Variants in CHM observed in about 807,000 individuals in gnomAD.
The protein encoded by CHM is CHM Rab escort protein.
CHM carries 10 observed loss-of-function variants against 49.0 expected under a neutral mutation model. The ratio of observed to expected loss-of-function variants is 0.20; its 90% CI spans 0.13 to 0.35. The LOEUF is 0.35. Ranked by LOEUF, CHM falls within the 10% of genes least tolerant of loss-of-function variation. CHM has a pLI of 1.00. For synonymous variants in CHM, 184 were observed against 167.5 expected (o/e 1.10, Z -0.76); for missense variants, 455 against 478.4 (o/e 0.95, Z 0.46).
chrX:85,997,778 C>T (rs1444226508), intron 2 of CHM, among the ~76,000 whole-genome samples: 1 of 110,934 alleles, frequency 9.0e-6, no homozygotes, highest in Non-Finnish European at 1.9e-5. Flanking sequence ...GGTGAAATCC[C>T]GTCTGTACTA....
chrX:85,881,067 T>G lies in CHM; in HGVS notation c.1511-2004A>C, dbSNP rs1924729689. Among the ~76,000 whole-genome samples, 3 of 112,106 alleles carry G rather than the reference T, an allele frequency of 2.7e-5. No homozygotes were observed. The Admixed American group carries it at 2.8e-4, about 11-fold the overall frequency. On this transcript the variant is annotated intron_variant, in intron 12 of 14. Coordinates refer to ENST00000357749, the MANE Select transcript of CHM (RefSeq NM_000390.4). ...AGCTTTAGAGTCGATTTTTCTCCTT[T>G]TTGTTAAATACAACTTTTACTTAGA...
intron 1 of CHM, among the ~76,000 whole-genome samples, chrX:86,044,575 T>G (rs955299083): frequency 8.9e-6 from 1 of 112,203 alleles, no homozygotes; most frequent in African/African-American, 3.2e-5. Context: ...TGCTGCAGAT[T>G]ACACAGGCTT....
intron 13 of CHM, among the ~76,000 whole-genome samples, chrX:85,878,145 T>C (rs1170006407): frequency 8.9e-6 from 1 of 111,854 alleles, no homozygotes; most frequent in African/African-American, 3.2e-5. Context: ...ATATACACTT[T>C]TGGGAGTTAA....
chrX:86,037,457 T>C (rs183998587), intron 1 of CHM, among the ~76,000 whole-genome samples: 11 of 111,539 alleles, frequency 9.9e-5, no homozygotes, highest in African/African-American at 3.6e-4. Flanking sequence ...ATTTCTATTG[T>C]AATTTAAGTG....
chrX:86,046,358 CAG>C (rs770501035), intron 1 of CHM, among the ~76,000 whole-genome samples: 1 of 112,336 alleles, frequency 8.9e-6, no homozygotes, highest in Non-Finnish European at 1.9e-5. Context: ...CTACAAAATG[CAG>C]AGAGTACCTA....
intron 8 of CHM, among the ~76,000 whole-genome samples, chrX:85,927,679 A>T (rs1233282421): frequency 8.9e-6 from 1 of 112,252 alleles, no homozygotes; most frequent in Admixed American, 9.5e-5. Flanking sequence ...CTAATTGAGT[A>T]TATTATATCC....
chrX:85,879,814 G>T (rs746294297), intron 12 of CHM, among the ~76,000 whole-genome samples: 2 of 110,621 alleles, frequency 1.8e-5, no homozygotes, highest in Admixed American at 1.9e-4. Flanking sequence ...TATTTGGGAT[G>T]AGATACAATA....
chrX:85,943,697 A>C (rs956705212), intron 8 of CHM, among the ~76,000 whole-genome samples: 1 of 112,088 alleles, frequency 8.9e-6, no homozygotes, highest in African/African-American at 3.2e-5. Flanking sequence ...CCAGAAAATA[A>C]CACAATATTT....
intron 1 of CHM, among the ~76,000 whole-genome samples, chrX:86,043,732 A>T (rs1325603744): frequency 9.6e-6 from 1 of 104,150 alleles, no homozygotes. Context: ...GGCCAATGAA[A>T]CTTTTTTTTT....
At chrX:85,911,084 C>G (rs755775277) in intron 9 of CHM, among the ~76,000 whole-genome samples, 177 bp downstream of exon 9, 3 of 65,969 alleles carry the variant, frequency 4.5e-5, no homozygotes, top group African/African-American at 1.7e-4. Flanking sequence ...TTAAAACTGA[C>G]TTCAGCATTT....
At chrX:85,945,684 T>C (rs1385043671) in intron 8 of CHM, among the ~76,000 whole-genome samples, 1 of 109,529 alleles carries the variant, frequency 9.1e-6, no homozygotes, top group African/African-American at 3.3e-5. Flanking sequence ...AGAAAACTTG[T>C]ACAGAGGAAT....
chrX:85,977,667 T>A (rs933963689), intron 4 of CHM, among the ~76,000 whole-genome samples: 1 of 112,337 alleles, frequency 8.9e-6, no homozygotes, highest in African/African-American at 3.2e-5. Context: ...AAAGCATATG[T>A]CTTTTCAGTT....
chrX:85,907,316 G>A (rs930011617), intron 9 of CHM, among the ~76,000 whole-genome samples: 6 of 111,654 alleles, frequency 5.4e-5, no homozygotes, highest in Non-Finnish European at 9.4e-5. Context: ...ATTGGTTATA[G>A]ATGTATCTGG....
chrX:85,879,745 G>A (rs1319720859), intron 12 of CHM, among the ~76,000 whole-genome samples: 1 of 110,820 alleles, frequency 9.0e-6, no homozygotes, highest in Non-Finnish European at 1.9e-5. Context: ...AAAGAGTTCT[G>A]TGTTTTGCAA....
chrX:86,017,783 A>T (rs1933368250), intron 2 of CHM, among the ~76,000 whole-genome samples: 1 of 111,942 alleles, frequency 8.9e-6, no homozygotes, highest in Non-Finnish European at 1.9e-5. Context: ...AATCTAGGCA[A>T]ATGGAGTAAT....
intron 8 of CHM, among the ~76,000 whole-genome samples, chrX:85,915,176 CAGA>C (rs1028240292): frequency 6.3e-5 from 7 of 111,703 alleles, no homozygotes; most frequent in African/African-American, 2.3e-4. Flanking sequence ...AGAGATATAA[CAGA>C]AGAAGAAAAC....
intron 4 of CHM, among the ~76,000 whole-genome samples, chrX:85,973,850 T>C (rs12013520): frequency 0.04 from 4,455 of 112,106 alleles, 230 homozygotes; most frequent in African/African-American, 0.14. Context: ...TGTTGCCATA[T>C]GGCTGTGGAT....
intron 8 of CHM, among the ~76,000 whole-genome samples, chrX:85,918,668 C>T (rs1927601128): frequency 8.9e-6 from 1 of 111,945 alleles, no homozygotes; most frequent in Non-Finnish European, 1.9e-5. Context: ...ATCTAACATG[C>T]TGTGACACCC....
chrX:85,901,266 T>C, intron 9 of CHM, 78 bp from the exon 10 acceptor site: 1 of 641,143 alleles, frequency 1.6e-6, no homozygotes, highest in Non-Finnish European at 2.3e-6. Context: ...GCTACCAATT[T>C]TGAATCTAAA....
Sources: gnomAD v4.1 joint callset for allele counts (sites outside exome capture counted in the v4.1 genomes callset) on GRCh38, gnomAD v4.1.1 for gene constraint, MANE v1.5 for transcripts, NCBI Gene and HGNC (gene_info 2026-07-23, HGNC 2026-07-21) for gene names.